The following CRYBA4 variants were observed in gnomAD, a reference collection of about 807,000 sequenced individuals.
CRYBA4 encodes beta-crystallin A4.
CRYBA4 carries 30 observed loss-of-function variants against 31.7 expected under a neutral mutation model. The ratio of observed to expected loss-of-function variants is 0.95; its 90% confidence interval spans 0.71 to 1.28. The LOEUF is 1.28. CRYBA4 is among the 50% of genes most tolerant of loss of function. The probability of loss-of-function intolerance (pLI) is 0.00; values close to 1 mark genes in which losing one functional copy is unlikely to be tolerated. For synonymous variants in CRYBA4, 102 were observed against 102.3 expected (o/e 1.00, Z 0.02); for missense variants, 225 against 260.7 (o/e 0.86, Z 0.94).
chr22:26,624,318 C>T (rs953235804), intron 3 of CRYBA4, among the ~76,000 whole-genome samples: 2 of 152,008 alleles, frequency 1.3e-5, no homozygotes, highest in African/African-American at 4.8e-5. Context: ...CAGTAGCTTC[C>T]ATATTGGATA....
the CRYBA4 span, among the ~76,000 whole-genome samples, chr22:26,603,634 G>T: frequency 6.6e-6 from 1 of 152,048 alleles, no homozygotes; most frequent in Admixed American, 6.6e-5. Flanking sequence ...GCCGGGCGCG[G>T]TGGCTCACGC....
chr22:26,590,729 G>T, the CRYBA4 span, among the ~76,000 whole-genome samples: 1 of 151,984 alleles, frequency 6.6e-6, no homozygotes, highest in Non-Finnish European at 1.5e-5. Context: ...AACATTCTGC[G>T]GTGCATAGGA....
At chr22:26,597,874 T>C in the CRYBA4 span, among the ~76,000 whole-genome samples, 1 of 152,080 alleles carries the variant, frequency 6.6e-6, no homozygotes, top group East Asian at 1.9e-4. Flanking sequence ...TTTCTTTGTT[T>C]TGTTGGTTTT....
chr22:26,605,392 G>A, the CRYBA4 span, among the ~76,000 whole-genome samples: 1 of 152,132 alleles, frequency 6.6e-6, no homozygotes, highest in African/African-American at 2.4e-5. Context: ...CAGGCCAACT[G>A]GTTGGGCGCA....
the CRYBA4 span, chr22:26,607,740 G>T: frequency 2.9e-6 from 3 of 1,018,090 alleles, no homozygotes; most frequent in Non-Finnish European, 4.5e-6. Context: ...GAATTGATGA[G>T]CTCAAGAATC....
chr22:26,610,049 A>G, the CRYBA4 span, among the ~76,000 whole-genome samples: 1 of 176 alleles, frequency 5.7e-3, no homozygotes, highest in African/African-American at 0.022. Context: ...TCTTGCCACC[A>G]TGCCCAAGTC....
chr22:26,628,129 A>G (rs577798382), intron 4 of CRYBA4, among the ~76,000 whole-genome samples, 159 bp from the exon 5 acceptor site: 1 of 152,108 alleles, frequency 6.6e-6, no homozygotes, highest in Non-Finnish European at 1.5e-5. Flanking sequence ...GGAAGGGCAA[A>G]TGGCAAGGTT....
chr22:26,602,863 C>T, the CRYBA4 span, among the ~76,000 whole-genome samples: 1 of 151,984 alleles, frequency 6.6e-6, no homozygotes, highest in Non-Finnish European at 1.5e-5. Context: ...ATGGCTCACT[C>T]CTATAATCCC....
the CRYBA4 span, among the ~76,000 whole-genome samples, chr22:26,601,579 G>A: frequency 3.1e-4 from 47 of 151,240 alleles, no homozygotes; most frequent in Non-Finnish European, 4.4e-4. Flanking sequence ...CCACATCAGC[G>A]CCGGCCCTTT....
chr22:26,616,212 G>T, the CRYBA4 span: 2 of 1,614,142 alleles, frequency 1.2e-6, no homozygotes, highest in Non-Finnish European at 1.7e-6. Flanking sequence ...CCAGGGTAGT[G>T]CCGGGACTAG....
At chr22:26,607,325 A>G in the CRYBA4 span, among the ~76,000 whole-genome samples, 1 of 151,960 alleles carries the variant, frequency 6.6e-6, no homozygotes, top group Non-Finnish European at 1.5e-5. Flanking sequence ...CCCGGCTACA[A>G]TATCCCTCTT....
At chr22:26,621,940 C>T (rs887946452), upstream of CRYBA4, 18 of 985,510 alleles carry the variant, frequency 1.8e-5, no homozygotes, top group Admixed American at 1.2e-4. Context: ...TATAAGAGCC[C>T]GACCTCGGCT....
At chr22:26,599,273 G>T in the CRYBA4 span, 5 of 581,290 alleles carry the variant, frequency 8.6e-6, no homozygotes, top group African/African-American at 9.3e-5. Flanking sequence ...ATAACAGGCA[G>T]AAAGAACTTT....
At chr22:26,618,369 A>T (rs1360319448), upstream of CRYBA4, among the ~76,000 whole-genome samples, 2 of 152,088 alleles carry the variant, frequency 1.3e-5, no homozygotes, top group East Asian at 3.9e-4. Flanking sequence ...TTGAATCCTG[A>T]CTCAGCCACT....
At chr22:26,612,334 C>T in the CRYBA4 span, 1 of 649,280 alleles carries the variant, frequency 1.5e-6, no homozygotes, top group Non-Finnish European at 2.8e-6. Flanking sequence ...CCTGTCCTCC[C>T]ATCCCCCAAT....
chr22:26,630,414 A>G lies in CRYBA4; in HGVS notation c.518A>G (p.Tyr173Cys), dbSNP rs1162676984. ...VLECDHHSGDYKHFREWGSHA... is the reference protein window; with the variant it reads ...VLECDHHSGDCKHFREWGSHA... ...GAATGCGATCACCATTCCGGTGACTACAAACATTTCCGGGAGTGGGGCTCT... is the reference window on the plus strand; with the variant it reads ...GAATGCGATCACCATTCCGGTGACTGCAAACATTTCCGGGAGTGGGGCTCT... The change falls in exon 6 of 6, where the codon TAC (tyrosine) becomes TGC (cysteine). Residue 173 changes from tyrosine to cysteine, a missense_variant. By Grantham distance (194) the Tyr-to-Cys change is radical. Coordinates refer to ENST00000354760, the MANE Select transcript of CRYBA4 (RefSeq NM_001886.3). The G allele has an allele frequency of 6.2e-7, 1 of 1,614,206 alleles. No homozygotes were observed. Among genetic ancestry groups the G allele is most frequent in the South Asian group, 1.1e-5 (1 of 91,052 alleles).
chr22:26,611,691 G>C, the CRYBA4 span, among the ~76,000 whole-genome samples: 2 of 151,956 alleles, frequency 1.3e-5, no homozygotes, highest in Non-Finnish European at 2.9e-5. Context: ...AGCCAGGATG[G>C]TCTCGATCTC....
the CRYBA4 span, among the ~76,000 whole-genome samples, chr22:26,611,530 A>C: frequency 6.8e-6 from 1 of 147,156 alleles, no homozygotes. Context: ...TGCAGACTGC[A>C]GTGGCGCAAT....
chr22:26,630,601 C>G lies in CRYBA4; in HGVS notation c.*114C>G. On this transcript the variant is annotated 3_prime_UTR_variant, in exon 6 of 6. Transcript: ENST00000354760. ...CCCTGTAACCTGTGTGAACCCAGCA[C>G]CCATGTGAACTGGTCCGTGCACAGT... 1 of 866,016 alleles carries G rather than the reference C, an allele frequency of 1.2e-6. No individual in the cohort carries two copies. Among genetic ancestry groups the G allele is most frequent in the Non-Finnish European group, 1.9e-6 (1 of 538,870 alleles). The allele number at this position is 866,016 out of a possible 1,614,324, so 53.6% of individuals were successfully genotyped here.
Sources: gnomAD v4.1 joint callset for allele counts (sites outside exome capture counted in the v4.1 genomes callset) on GRCh38, gnomAD v4.1.1 for gene constraint, MANE v1.5 for transcripts, NCBI Gene and HGNC (gene_info 2026-07-23, HGNC 2026-07-21) for gene names.